The following MRC1 variants were observed in gnomAD, a reference collection of about 807,000 sequenced individuals.
MRC1 encodes mannose receptor C-type 1, also known as macrophage mannose receptor 1.
A neutral mutation model predicts 102.9 loss-of-function variants in MRC1; 62 were observed. The ratio of observed to expected loss-of-function variants is 0.60; its 90% CI spans 0.49 to 0.74. The LOEUF is 0.74. Ranked by LOEUF, MRC1 falls within the 30% of genes least tolerant of loss-of-function variation. MRC1 has a pLI of 0.00. For synonymous variants in MRC1, 457 were observed against 298.4 expected (o/e 1.53, Z -5.48); for missense variants, 1,237 against 862.8 (o/e 1.43, Z -5.43).
chr10:17,894,394 C>CTTTTTTTTTTTTTTTTTTTTTT (rs34625338), intron 23 of MRC1, 82 bp downstream of exon 23: 9 of 406,288 alleles, frequency 2.2e-5, no homozygotes, highest in African/African-American at 6.9e-5. Context: ...TTCTTTCTTT[C>CTTTTTTTTTTTTTTTTTTTTTT]TTTTTTTTTT....
chr10:17,894,078 A>G (rs1833718073), intron 22 of MRC1, 132 bp from the exon 23 acceptor site: 11 of 706,662 alleles, frequency 1.6e-5, no homozygotes, highest in South Asian at 1.1e-4. Flanking sequence ...TGGATTGAGC[A>G]TATCTTAAGT....
chr10:17,837,667 C>T (rs1034914374), intron 4 of MRC1, among the ~76,000 whole-genome samples: 5 of 151,668 alleles, frequency 3.3e-5, no homozygotes, highest in East Asian at 3.9e-4. Context: ...CTCACTCTGT[C>T]GCCCGGGCTG....
intron 8 of MRC1, among the ~76,000 whole-genome samples, chr10:17,855,752 CA>C (rs1328374310): frequency 0.019 from 2,911 of 152,198 alleles, 87 homozygotes; most frequent in African/African-American, 0.067. Context: ...TAGCTAGAGT[CA>C]AAATTACTGT....
intron 1 of MRC1, among the ~76,000 whole-genome samples, chr10:17,817,760 AC>A (rs1838334840): frequency 6.6e-6 from 1 of 152,220 alleles, no homozygotes; most frequent in Non-Finnish European, 1.5e-5. Flanking sequence ...TATTTCTGTT[AC>A]AAAAACATAA....
chr10:17,855,330 G>A (rs1214185934), intron 8 of MRC1, among the ~76,000 whole-genome samples: 1 of 152,090 alleles, frequency 6.6e-6, no homozygotes, highest in Non-Finnish European at 1.5e-5. Context: ...CCAGCACTTT[G>A]GGAGGCCGAG....
intron 11 of MRC1, among the ~76,000 whole-genome samples, chr10:17,864,722 G>A (rs1833236969): frequency 6.6e-6 from 1 of 151,528 alleles, no homozygotes; most frequent in African/African-American, 2.4e-5. Flanking sequence ...CCAGCTACTT[G>A]GGAGGCTGAG....
rs1193127957 is a variant in MRC1 at position 17,870,203 on chromosome 10, A to G, written c.1984-43A>G. 6.6e-6 allele frequency: 5 copies of G among 753,522 alleles called. No individual in the cohort carries two copies. The Admixed American group carries it at 9.6e-5, about 14-fold the overall frequency. The allele number at this position is 753,522 out of a possible 1,614,324, so 46.7% of individuals were successfully genotyped here. A position where few individuals can be genotyped will look rare whatever the true frequency, so the allele number is the denominator to read the frequency against. On this transcript the variant is annotated intron_variant, in intron 12 of 29. Transcript: ENST00000569591. ...ATATTTGTTTCTCTTAATTTGATAAACTACAAAGCATAAAATAATTTTTGT... is the reference window on the plus strand; with the variant it reads ...ATATTTGTTTCTCTTAATTTGATAAGCTACAAAGCATAAAATAATTTTTGT...
At chr10:17,846,701 TAA>T (rs1838830887) in intron 6 of MRC1, among the ~76,000 whole-genome samples, 1 of 152,134 alleles carries the variant, frequency 6.6e-6, no homozygotes, top group South Asian at 2.1e-4. Context: ...GTTTTTATCC[TAA>T]GTTTTCCACT....
intron 11 of MRC1, among the ~76,000 whole-genome samples, chr10:17,864,657 C>T (rs1687521854): frequency 1.3e-5 from 2 of 151,806 alleles, no homozygotes; most frequent in Non-Finnish European, 2.9e-5. Context: ...AGGGAAACCC[C>T]ATCTCTACTA....
At chr10:17,895,501 A>G (rs1833742223) in intron 23 of MRC1, among the ~76,000 whole-genome samples, 1 of 152,108 alleles carries the variant, frequency 6.6e-6, no homozygotes, top group Non-Finnish European at 1.5e-5. Flanking sequence ...CATGTAATTT[A>G]AGAACTTTTG....
chr10:17,836,900 T>C (rs1589170419), intron 4 of MRC1, among the ~76,000 whole-genome samples: 1 of 151,436 alleles, frequency 6.6e-6, no homozygotes, highest in African/African-American at 2.4e-5. Context: ...GGTGCAGAGG[T>C]GAAATGGTTT....
chr10:17,909,305 G>A lies in MRC1; in HGVS notation c.4079-1G>A. ...ATAAATTTTTTTTTTTTTACACACA[G>A]TTATTGATGCTAAACCTACTCATGA... On this transcript the variant is annotated splice_acceptor_variant, in intron 28 of 29. Coordinates refer to ENST00000569591, the MANE Select transcript of MRC1 (RefSeq NM_002438.4). LOFTEE classifies it high-confidence loss of function. 2 of 868,604 alleles carry A rather than the reference G, an allele frequency of 2.3e-6. No individual in the cohort carries two copies. The highest frequency in any genetic ancestry group is 1.7e-5 in the Admixed American group (1 of 58,834). The allele number at this position is 868,604 out of a possible 1,614,324, so 53.8% of individuals were successfully genotyped here.
chr10:17,909,190 TATCA>T, intron 28 of MRC1, 112 bp from the exon 29 acceptor site: 1 of 702,262 alleles, frequency 1.4e-6, no homozygotes. Context: ...TAATATCATA[TATCA>T]ATCAACACAC....
At chr10:17,869,418 C>A (rs931034431) in intron 12 of MRC1, among the ~76,000 whole-genome samples, 1 of 152,084 alleles carries the variant, frequency 6.6e-6, no homozygotes, top group African/African-American at 2.4e-5. Flanking sequence ...CTTGGGCAAC[C>A]ATAGTGCCTT....
chr10:17,877,748 A>T (rs1002343598), intron 17 of MRC1, 152 bp from the exon 18 acceptor site: 2 of 682,796 alleles, frequency 2.9e-6, no homozygotes, highest in Non-Finnish European at 5.3e-6. Context: ...TATTTCTAGG[A>T]AGAACATAAT....
rs1398794479 is a variant in MRC1 at position 17,892,331 on chromosome 10, A to G, written c.3148-1879A>G. On this transcript the variant is annotated intron_variant, in intron 22 of 29. Transcript: ENST00000569591. ...CAGTTTTTAATTTTCAAACTTGTCC[A>G]CACTGAACCTCCAGCAATGTGTCAA... 3.3e-5 allele frequency among the ~76,000 whole-genome samples: 5 copies of G among 152,306 alleles called. No homozygotes were observed. The East Asian group carries it at 5.8e-4, about 18-fold the overall frequency.
intron 22 of MRC1, among the ~76,000 whole-genome samples, chr10:17,890,388 C>T (rs1259110814): frequency 5.3e-5 from 8 of 152,130 alleles, no homozygotes; most frequent in Non-Finnish European, 8.8e-5. Context: ...AATTCTAAGT[C>T]ATTATTGCTT....
rs782616938 is a variant in MRC1, at chr10:17,827,372, C to CAAAAAAAAAAAA, written c.464-143_464-132dup. On this transcript the variant is annotated intron_variant, in intron 2 of 29. Coordinates refer to ENST00000569591, the MANE Select transcript of MRC1 (RefSeq NM_002438.4). Reference sequence around the variant, plus strand: ...TAGAAGGAGAAGGAAAAAAAATACCCAAAAAAAAAAAAAAAAAAAAAAAAA... The same window carrying CAAAAAAAAAAAA: ...TAGAAGGAGAAGGAAAAAAAATACCCAAAAAAAAAAAAAAAAAAAAAAAAAAAAAAAAAAAAA... Among the ~76,000 whole-genome samples the CAAAAAAAAAAAA allele has an allele frequency of 6.6e-4, 42 of 64,028 alleles. 15 individuals carry two copies. The highest frequency in any genetic ancestry group is 0.024 in the Middle Eastern group (2 of 82). The allele number at this position is 64,028 out of a possible 152,430, so 42.0% of individuals were successfully genotyped here.
Position 17,875,140 on chromosome 10 carries a change from T to C in MRC1, c.2437T>C (p.Tyr813His). Residue 813 changes from tyrosine to histidine, a missense_variant, in exon 17 of 30, where the codon TAT becomes CAT. Tyr to His is a moderately conservative substitution (Grantham distance 83). Coordinates refer to ENST00000569591, the MANE Select transcript of MRC1 (RefSeq NM_002438.4). ...GWVIYKDYQY[Y>H]FSKEKETMDN... ...GGTTATTTACAAAGACTACCAGTAT[T>C]ATTTCAGCAAAGAGAAGGAAACCAT... 1 of 780,870 alleles carries C rather than the reference T, an allele frequency of 1.3e-6. No individual in the cohort carries two copies. Among genetic ancestry groups the C allele is most frequent in the East Asian group, 2.4e-5 (1 of 41,254 alleles). The allele number at this position is 780,870 out of a possible 1,614,324, so 48.4% of individuals were successfully genotyped here.
Sources: gnomAD v4.1 joint callset for allele counts (sites outside exome capture counted in the v4.1 genomes callset) on GRCh38, gnomAD v4.1.1 for gene constraint, MANE v1.5 for transcripts, NCBI Gene and HGNC (gene_info 2026-07-23, HGNC 2026-07-21) for gene names.